THRAP3: variants seen among roughly 807,000 people sequenced by gnomAD.
The protein encoded by THRAP3 is thyroid hormone receptor associated protein 3.
Under a neutral mutation model 101.0 loss-of-function variants are expected in THRAP3, and 16 were observed. The observed-to-expected ratio is 0.16, with a 90% CI of 0.11 to 0.24. The LOEUF (loss-of-function observed/expected upper bound fraction) is 0.24. Ranked by LOEUF, THRAP3 falls within the 10% of genes least tolerant of loss-of-function variation. The pLI, the probability that THRAP3 is intolerant of heterozygous loss-of-function variation, is 1.00. For missense variants in THRAP3, 989 were observed against 1,202.7 expected (o/e 0.82, Z 2.63); for synonymous variants, 407 against 422.6 (o/e 0.96, Z 0.45).
intron 2 of THRAP3, among the ~76,000 whole-genome samples, chr1:36,280,533 G>A (rs1048030322): frequency 1.3e-5 from 2 of 152,140 alleles, no homozygotes; most frequent in Non-Finnish European, 2.9e-5. Flanking sequence ...AAATTCTGAG[G>A]GGTAGGAGGG....
At chr1:36,293,139 A>T (rs1645899766) in intron 7 of THRAP3, among the ~76,000 whole-genome samples, 1 of 145,434 alleles carries the variant, frequency 6.9e-6, no homozygotes. Flanking sequence ...AGCAATTCTC[A>T]TGCCTTAGCC....
upstream of THRAP3, among the ~76,000 whole-genome samples, chr1:36,220,478 CCAG>C (rs899806870): frequency 1.1e-4 from 17 of 151,988 alleles, no homozygotes; most frequent in African/African-American, 4.1e-4. Flanking sequence ...GAGTTCGAGA[CCAG>C]CCTGGTCAAA....
chr1:36,276,547 T>C (rs1192992947), intron 2 of THRAP3, among the ~76,000 whole-genome samples: 4 of 139,620 alleles, frequency 2.9e-5, no homozygotes, highest in Admixed American at 7.4e-5. Context: ...AAAAAGGTGC[T>C]TCAAAGGACA....
In THRAP3 at chr1:36,286,355, C is replaced by A; in HGVS notation, c.138-13C>A. On this transcript the variant is annotated splice_polypyrimidine_tract_variant and intron_variant, in intron 3 of 11. Transcript: ENST00000354618. This position sits in a 1 kb window ranked among gnomAD's most constrained non-coding sequence, Gnocchi z 5.5. Reference sequence around the variant, plus strand: ...AAAAATTCAAACATTTGTCTCTTTCCTTTCCATTCCAGTTCTAGGTCTCGT... The same window carrying A: ...AAAAATTCAAACATTTGTCTCTTTCATTTCCATTCCAGTTCTAGGTCTCGT... The A allele has an allele frequency of 1.3e-6, 2 of 1,552,004 alleles. No individual in the cohort carries two copies. Among genetic ancestry groups the A allele is most frequent in the South Asian group, 1.2e-5 (1 of 82,324 alleles).
At chr1:36,268,299 CAG>C (rs1301432168) in intron 2 of THRAP3, among the ~76,000 whole-genome samples, 1 of 151,240 alleles carries the variant, frequency 6.6e-6, no homozygotes, top group South Asian at 2.1e-4. Flanking sequence ...TCAGATGACT[CAG>C]TGTGTTTTTT....
intron 1 of THRAP3, among the ~76,000 whole-genome samples, chr1:36,233,110 C>A (rs770090851): frequency 6.6e-6 from 1 of 151,674 alleles, no homozygotes; most frequent in Non-Finnish European, 1.5e-5. Context: ...CTCAGGTGAT[C>A]TGCCCCCTCG....
rs750287501 is a variant in THRAP3, at chr1:36,282,606, C to T, written c.43C>T (p.Arg15Cys). 51 of 1,613,944 alleles carry T rather than the reference C, an allele frequency of 3.2e-5. No homozygotes were observed. Among genetic ancestry groups the T allele is most frequent in the African/African-American group, 4.0e-5 (3 of 74,900 alleles). ...NKSKSGSRSSRSRSASRSRSR... is the reference protein window; with the variant it reads ...NKSKSGSRSSCSRSASRSRSR... ...ATCCAAGTCTGGATCTCGCTCTTCT[C>T]GCTCAAGATCTGCATCAAGATCTCG... The change falls in exon 3 of 12, where the codon CGC becomes TGC. Residue 15 changes from arginine to cysteine, a missense_variant. Arg to Cys is a radical substitution (Grantham distance 180). Coordinates refer to ENST00000354618, the MANE Select transcript of THRAP3 (RefSeq NM_005119.4).
intron 1 of THRAP3, among the ~76,000 whole-genome samples, chr1:36,258,829 C>T (rs927318648): frequency 6.6e-6 from 1 of 152,162 alleles, no homozygotes; most frequent in Non-Finnish European, 1.5e-5. Flanking sequence ...CATCTAATTA[C>T]CTACATGAGC....
chr1:36,230,894 C>G (rs1341492783), intron 1 of THRAP3, among the ~76,000 whole-genome samples: 1 of 152,168 alleles, frequency 6.6e-6, no homozygotes, highest in East Asian at 1.9e-4. Context: ...AAAAGCAGAT[C>G]TGGCAGCCAT....
intron 1 of THRAP3, among the ~76,000 whole-genome samples, chr1:36,253,306 T>C (rs192424909): frequency 3.3e-5 from 5 of 152,276 alleles, no homozygotes; most frequent in East Asian, 3.9e-4. Flanking sequence ...TCGCTTCCAA[T>C]TGAAGATTAG....
intron 1 of THRAP3, among the ~76,000 whole-genome samples, chr1:36,234,784 TCTTC>T (rs1393846414): frequency 6.6e-6 from 1 of 151,126 alleles, no homozygotes; most frequent in Non-Finnish European, 1.5e-5. Flanking sequence ...TTGCCTCTTC[TCTTC>T]CTTTATTTCT....
intron 3 of THRAP3, among the ~76,000 whole-genome samples, chr1:36,284,714 A>G (rs1465942488): frequency 1.3e-5 from 2 of 152,198 alleles, no homozygotes; most frequent in African/African-American, 2.4e-5. Context: ...TTTTGGATGC[A>G]GTATGCCCAG....
intron 2 of THRAP3, among the ~76,000 whole-genome samples, chr1:36,273,920 A>G (rs1645621253): frequency 1.3e-5 from 2 of 152,082 alleles, no homozygotes; most frequent in South Asian, 2.1e-4. Context: ...GCACATGCCT[A>G]TTATCCCAGC....
intron 5 of THRAP3, among the ~76,000 whole-genome samples, chr1:36,289,968 A>T (rs1645845081): frequency 6.6e-6 from 1 of 152,104 alleles, no homozygotes; most frequent in South Asian, 2.1e-4. Context: ...CCCTGGGGTG[A>T]TGAAGTATCT....
In THRAP3 at chr1:36,305,077, A is replaced by G. The variant is rs1646084777; in HGVS notation, c.*1060A>G. ...CATTCTCAGATGTTTGGGGGGAAAC[A>G]TCCTCTTAAAATGGGTCCTTGTGCT... On this transcript the variant is annotated 3_prime_UTR_variant, in exon 12 of 12. Coordinates refer to ENST00000354618, the MANE Select transcript of THRAP3 (RefSeq NM_005119.4). 4.8e-6 allele frequency: 1 copy of G among 210,102 alleles called. No homozygotes were observed. Among genetic ancestry groups the G allele is most frequent in the African/African-American group, 2.3e-5 (1 of 43,754 alleles). 13.0% of individuals were successfully genotyped at this position (210,102 alleles called of 1,614,324 possible).
At chr1:36,295,391 G>A (rs1294689663) in intron 8 of THRAP3, among the ~76,000 whole-genome samples, 1 of 152,068 alleles carries the variant, frequency 6.6e-6, no homozygotes, top group South Asian at 2.1e-4. Context: ...AAATCCTAGT[G>A]TGGGATGTCC....
chr1:36,270,173 G>A (rs997846207), intron 2 of THRAP3, among the ~76,000 whole-genome samples: 1 of 152,182 alleles, frequency 6.6e-6, no homozygotes, highest in African/African-American at 2.4e-5. Flanking sequence ...AGGACTCCTT[G>A]AACCCAGGAG....
intron 2 of THRAP3, among the ~76,000 whole-genome samples, chr1:36,266,771 G>A (rs1163944654): frequency 6.6e-6 from 1 of 152,194 alleles, no homozygotes; most frequent in Non-Finnish European, 1.5e-5. Context: ...GAGAAGGTAG[G>A]TGGCCAAGTC....
chr1:36,248,275 A>G (rs192720704), intron 1 of THRAP3, among the ~76,000 whole-genome samples: 1 of 151,806 alleles, frequency 6.6e-6, no homozygotes, highest in East Asian at 1.9e-4. Context: ...ACCCTGCCAT[A>G]TCTTTATTTG....
Sources: gnomAD v4.1 joint callset for allele counts (sites outside exome capture counted in the v4.1 genomes callset) on GRCh38, gnomAD v4.1.1 for gene constraint, Gnocchi (gnomAD v3.1) non-coding constraint, MANE v1.5 for transcripts, NCBI Gene and HGNC (gene_info 2026-07-23, HGNC 2026-07-21) for gene names.